Variants in MRPS25 observed in about 807,000 individuals in gnomAD.
MRPS25 encodes the protein small ribosomal subunit protein mS25.
A neutral mutation model predicts 17.3 loss-of-function variants in MRPS25; 15 were observed. The observed-to-expected ratio is 0.87, with a 90% CI of 0.58 to 1.34. The LOEUF is 1.34. MRPS25 is among the 40% of genes most tolerant of loss of function. The probability of loss-of-function intolerance (pLI) is 0.00; values close to 1 mark genes in which losing one functional copy is unlikely to be tolerated. For missense variants in MRPS25, 225 were observed against 218.6 expected (o/e 1.03, Z -0.19); for synonymous variants, 94 against 83.3 (o/e 1.13, Z -0.70).
intron 2 of MRPS25, among the ~76,000 whole-genome samples, chr3:15,056,495 G>A (rs1470874145): frequency 2.0e-5 from 3 of 152,214 alleles, no homozygotes; most frequent in Non-Finnish European, 4.4e-5. Context: ...CATCCAGTGG[G>A]CCCAGGTTAA....
intron 1 of MRPS25, among the ~76,000 whole-genome samples, chr3:15,064,437 C>T (rs1318316853): frequency 6.6e-6 from 1 of 152,158 alleles, no homozygotes; most frequent in Non-Finnish European, 1.5e-5. Context: ...TAATTAATCA[C>T]TTCCTTCCAA....
At chr3:15,047,723 T>C (rs1344319856), downstream of MRPS25, 2 of 152,216 alleles carry the variant, frequency 1.3e-5, no homozygotes, top group Admixed American at 1.3e-4. Flanking sequence ...ACCTACCAAG[T>C]ATTATTCTTT....
At chr3:15,053,300 C>T in intron 3 of MRPS25, 80 bp downstream of exon 3, 1 of 1,599,666 alleles carries the variant, frequency 6.3e-7, no homozygotes. Flanking sequence ...CCTCTCAACA[C>T]CCTTCCCACA....
chr3:15,050,899 G>A lies in MRPS25; in HGVS notation c.*1542C>T, dbSNP rs551818366. The A allele has an allele frequency of 1.8e-5, 18 of 985,312 alleles. No individual in the cohort carries two copies. The East Asian group carries it at 5.7e-4, about 31-fold the overall frequency. The allele number at this position is 985,312 out of a possible 1,614,324, so 61.0% of individuals were successfully genotyped here. A position where few individuals can be genotyped will look rare whatever the true frequency, so the allele number is the denominator to read the frequency against. On this transcript the variant is annotated 3_prime_UTR_variant, in exon 4 of 4. Transcript: ENST00000253686. ...TCTCCAACAGTTAATGAAACACATC[G>A]TAGTATGACATCATTTCACCAGCCA... is the stretch of plus-strand genomic sequence containing the variant.
At chr3:15,059,341 C>G (rs2042716731) in intron 2 of MRPS25, 28 bp downstream of exon 2, 1 of 1,491,564 alleles carries the variant, frequency 6.7e-7, no homozygotes, top group African/African-American at 1.4e-5. Flanking sequence ...TGGGACAGCC[C>G]CTGGACCATG....
chr3:15,047,197 T>C (rs188559726), downstream of MRPS25: 423 of 152,750 alleles, frequency 2.8e-3, 2 homozygotes, highest in Admixed American at 8.0e-3. Context: ...TAAACTGATA[T>C]GGGTGTTCCA....
chr3:15,062,398 G>A (rs2042783338), intron 1 of MRPS25, among the ~76,000 whole-genome samples: 1 of 105,300 alleles, frequency 9.5e-6, no homozygotes, highest in Non-Finnish European at 2.0e-5. Context: ...AGGGAGGTGG[G>A]GGGTCAGCCC....
intron 3 of MRPS25, 42 bp from the exon 4 acceptor site, chr3:15,052,675 G>C (rs2042620516): frequency 6.3e-7 from 1 of 1,596,454 alleles, no homozygotes; most frequent in African/African-American, 1.3e-5. Context: ...TGGCAACTTT[G>C]AGTGGCAGGC....
chr3:15,053,508 A>C, intron 2 of MRPS25, 41 bp from the exon 3 acceptor site: 1 of 1,613,030 alleles, frequency 6.2e-7, no homozygotes, highest in Non-Finnish European at 8.5e-7. Context: ...AACAGAACTC[A>C]CAGCGCACTC....
At chr3:15,057,130 T>C (rs1362678462) in intron 2 of MRPS25, among the ~76,000 whole-genome samples, 2 of 152,218 alleles carry the variant, frequency 1.3e-5, no homozygotes, top group East Asian at 1.9e-4. Flanking sequence ...CTGACAGCCC[T>C]GTGGAGTACT....
At chr3:15,058,654 A>G (rs59758207) in intron 2 of MRPS25, among the ~76,000 whole-genome samples, 13,948 of 152,252 alleles carry the variant, frequency 0.092, 731 homozygotes, top group African/African-American at 0.13. Flanking sequence ...ATGAAAAAAC[A>G]TGGTCATTTT....
chr3:15,050,461 TG>T lies in MRPS25; in HGVS notation c.*1979del. 1.0e-6 allele frequency: 1 copy of T among 981,802 alleles called. No individual in the cohort carries two copies. Among genetic ancestry groups the T allele is most frequent in the Non-Finnish European group, 1.2e-6 (1 of 828,802 alleles). The allele number at this position is 981,802 out of a possible 1,614,324, so 60.8% of individuals were successfully genotyped here. A position where few individuals can be genotyped will look rare whatever the true frequency, so the allele number is the denominator to read the frequency against. On this transcript the variant is annotated 3_prime_UTR_variant, in exon 4 of 4. Coordinates refer to ENST00000253686, the MANE Select transcript of MRPS25 (RefSeq NM_022497.5). ...GGGAAGGAATACTCTCATAAGGCTT[TG>T]TGTGTCACTAGCTATGGAGACCTAC...
chr3:15,051,122 TC>T lies in MRPS25; in HGVS notation c.*1318del, dbSNP rs1307289098. On this transcript the variant is annotated 3_prime_UTR_variant, in exon 4 of 4. Transcript: ENST00000253686. Reference sequence around the variant, plus strand: ...TTCCTGTCTCAGATAAAGTCAGGTCTCCTTGGCTGAGTTTCTAGGGGTCCGT... The same window carrying T: ...TTCCTGTCTCAGATAAAGTCAGGTCTCTTGGCTGAGTTTCTAGGGGTCCGT... 12 of 985,354 alleles carry T rather than the reference TC, an allele frequency of 1.2e-5. No homozygotes were observed. Among genetic ancestry groups the T allele is most frequent in the Non-Finnish European group, 1.4e-5 (12 of 829,962 alleles). The allele number at this position is 985,354 out of a possible 1,614,324, so 61.0% of individuals were successfully genotyped here.
intron 1 of MRPS25, 99 bp from the exon 2 acceptor site, chr3:15,059,574 G>C (rs1403013735): frequency 2.4e-6 from 2 of 816,732 alleles, no homozygotes; most frequent in East Asian, 5.4e-5. Context: ...ATTTTCATCA[G>C]ATTCTCAGAG....
chr3:15,062,562 G>A (rs1419779982), intron 1 of MRPS25, among the ~76,000 whole-genome samples: 1 of 152,036 alleles, frequency 6.6e-6, no homozygotes, highest in Admixed American at 6.5e-5. Flanking sequence ...CCCCATCTGG[G>A]AGGTGTGCCC....
chr3:15,050,531 C>T lies in MRPS25; in HGVS notation c.*1910G>A. 2.0e-6 allele frequency: 2 copies of T among 985,528 alleles called. No individual in the cohort carries two copies. Among genetic ancestry groups the T allele is most frequent in the Non-Finnish European group, 2.4e-6 (2 of 830,082 alleles). The allele number at this position is 985,528 out of a possible 1,614,324, so 61.0% of individuals were successfully genotyped here. A position where few individuals can be genotyped will look rare whatever the true frequency, so the allele number is the denominator to read the frequency against. On this transcript the variant is annotated 3_prime_UTR_variant, in exon 4 of 4. Transcript: ENST00000253686. Reference sequence around the variant, plus strand: ...AAGGAACTAGGTGCTTTCTGAAGAGCCCTTGCAGCCAAGTAGAACGCCCAG... The same window carrying T: ...AAGGAACTAGGTGCTTTCTGAAGAGTCCTTGCAGCCAAGTAGAACGCCCAG...
chr3:15,058,810 C>A (rs138975825), intron 2 of MRPS25, among the ~76,000 whole-genome samples: 1 of 152,220 alleles, frequency 6.6e-6, no homozygotes, highest in East Asian at 1.9e-4. Context: ...AGAACAGCTG[C>A]CCTCCTCGTT....
chr3:15,042,636 C>T (rs1031917990), downstream of MRPS25: 6 of 555,666 alleles, frequency 1.1e-5, no homozygotes, highest in South Asian at 5.0e-5. Context: ...TCTGTACATA[C>T]ATTTTGTACT....
chr3:15,043,028 AAGG>A, downstream of MRPS25: 1 of 1,609,916 alleles, frequency 6.2e-7, no homozygotes, highest in Non-Finnish European at 8.5e-7. Flanking sequence ...CACACCTGCC[AAGG>A]AGCAACAGAA....
Sources: allele counts gnomAD v4.1 joint callset (sites outside exome capture counted in the v4.1 genomes callset), GRCh38; gene constraint gnomAD v4.1.1; transcripts MANE v1.5; gene names NCBI Gene and HGNC (gene_info 2026-07-23, HGNC 2026-07-21).